TCF4: variants seen among roughly 807,000 people sequenced by gnomAD.
TCF4 encodes the protein transcription factor 4.
TCF4 carries 3 observed loss-of-function variants against 82.1 expected under a neutral mutation model. The ratio of observed to expected loss-of-function variants is 0.04; its 90% CI spans 0.02 to 0.09. The LOEUF is 0.09. TCF4 is among the 10% of genes least tolerant of loss of function. TCF4 has a pLI of 1.00. For synonymous variants in TCF4, 276 were observed against 309.6 expected (o/e 0.89, Z 1.14); for missense variants, 518 against 852.7 (o/e 0.61, Z 4.89).
intron 5 of TCF4, among the ~76,000 whole-genome samples, chr18:55,458,063 A>T (rs2095800855): frequency 6.6e-6 from 1 of 152,044 alleles, no homozygotes; most frequent in Non-Finnish European, 1.5e-5. Flanking sequence ...AGTTCACCAA[A>T]AAAAGGAAAA....
intron 3 of TCF4, among the ~76,000 whole-genome samples, chr18:55,507,446 A>C (rs2096775421): frequency 6.6e-6 from 1 of 152,080 alleles, no homozygotes; most frequent in Non-Finnish European, 1.5e-5. Context: ...TCAAATGGCG[A>C]GCAATTTAGA....
chr18:55,618,085 G>C (rs992017580), intron 2 of TCF4, among the ~76,000 whole-genome samples: 1 of 152,066 alleles, frequency 6.6e-6, no homozygotes, highest in Non-Finnish European at 1.5e-5. Flanking sequence ...CTATGGGCTT[G>C]TCATATGTGG....
At chr18:55,433,400 C>G (rs2095254634) in intron 5 of TCF4, among the ~76,000 whole-genome samples, 1 of 152,206 alleles carries the variant, frequency 6.6e-6, no homozygotes, top group Non-Finnish European at 1.5e-5. Context: ...AGGATAATAT[C>G]AATAAACATG....
intron 3 of TCF4, among the ~76,000 whole-genome samples, chr18:55,471,737 G>T: frequency 6.7e-6 from 1 of 148,872 alleles, no homozygotes; most frequent in Non-Finnish European, 1.5e-5. Flanking sequence ...CTGCACTCCA[G>T]CCTCGGTGAC....
intron 3 of TCF4, among the ~76,000 whole-genome samples, chr18:55,578,652 A>AT (rs1470652621): frequency 1.3e-5 from 2 of 152,052 alleles, no homozygotes; most frequent in Non-Finnish European, 2.9e-5. Flanking sequence ...ATAAACTAAC[A>AT]TTTTTAGAGG....
chr18:55,515,671 C>T (rs765944953), intron 3 of TCF4, among the ~76,000 whole-genome samples: 2 of 152,072 alleles, frequency 1.3e-5, no homozygotes, highest in African/African-American at 2.4e-5. Flanking sequence ...CTACTGATGA[C>T]GTTTTGAGGT....
intron 3 of TCF4, among the ~76,000 whole-genome samples, chr18:55,491,358 C>G (rs1603581418): frequency 6.6e-6 from 1 of 152,144 alleles, no homozygotes; most frequent in African/African-American, 2.4e-5. Context: ...GATACACACA[C>G]AGCAATCCGC....
chr18:55,399,044 A>G (rs1041212992), intron 6 of TCF4, among the ~76,000 whole-genome samples: 4 of 152,162 alleles, frequency 2.6e-5, no homozygotes, highest in African/African-American at 9.7e-5. Flanking sequence ...GCAAGGCCTA[A>G]TTGGCCTCAA....
chr18:55,351,184 T>C, intron 6 of TCF4, 181 bp from the exon 7 acceptor site: 1 of 691,012 alleles, frequency 1.4e-6, no homozygotes, highest in East Asian at 2.9e-5. Context: ...ACAAAGTTTG[T>C]GAATTTTTAA....
chr18:55,267,746 C>T (rs1343815532), intron 11 of TCF4: 2 of 152,060 alleles, frequency 1.3e-5, no homozygotes, highest in African/African-American at 4.8e-5. Context: ...TGGATTTTGA[C>T]AAGTGCATCC....
At position 55,487,253 on chromosome 18, in the gene TCF4, G is replaced by A. The variant is rs139595796; in HGVS notation, c.146-23116C>T. Reference sequence around the variant, plus strand: ...CTTTCCCACACAACAAATGCATGAAGAATGAATAAATAAATGCATAATGCC... The same window carrying A: ...CTTTCCCACACAACAAATGCATGAAAAATGAATAAATAAATGCATAATGCC... On this transcript the variant is annotated intron_variant, in intron 3 of 19. Coordinates refer to ENST00000354452, the MANE Select transcript of TCF4 (RefSeq NM_001083962.2). Among the ~76,000 whole-genome samples the A allele has an allele frequency of 6.7e-4, 102 of 152,222 alleles. No homozygotes were observed. In the East Asian group the frequency reaches 0.014, roughly 21 times the overall value.
intron 2 of TCF4, among the ~76,000 whole-genome samples, chr18:55,614,616 T>A (rs2097710121): frequency 6.6e-6 from 1 of 152,134 alleles, no homozygotes; most frequent in Non-Finnish European, 1.5e-5. Flanking sequence ...TTCTTAAAAT[T>A]TTTTTTGAGT....
At chr18:55,553,659 T>C (rs1377334225) in intron 3 of TCF4, among the ~76,000 whole-genome samples, 1 of 152,190 alleles carries the variant, frequency 6.6e-6, no homozygotes, top group Non-Finnish European at 1.5e-5. Context: ...ACACAGCAGA[T>C]CAGTAAATAT....
rs2066747425 is a variant in TCF4 at position 55,297,168 on chromosome 18, T to C, written c.550-17512A>G. On this transcript the variant is annotated intron_variant, in intron 8 of 19. Transcript: ENST00000354452. ...TGAGGTTTTTTTTTTTTTTTTTTTT[T>C]TTATCCCTTAGGATCAGGAAGCCAT... 1.4e-5 allele frequency among the ~76,000 whole-genome samples: 2 copies of C among 141,592 alleles called. 1 individual carries two copies. Among genetic ancestry groups the C allele is most frequent in the Admixed American group, 1.4e-4 (2 of 14,156 alleles). 92.9% of individuals were successfully genotyped at this position (141,592 alleles called of 152,430 possible). A position where few individuals can be genotyped will look rare whatever the true frequency, so the allele number is the denominator to read the frequency against.
chr18:55,534,078 A>T lies in TCF4; in HGVS notation c.145+51202T>A, dbSNP rs140693708. 1.3e-3 allele frequency among the ~76,000 whole-genome samples: 196 copies of T among 152,352 alleles called. 2 individuals are homozygous for T. Among genetic ancestry groups the T allele is most frequent in the African/African-American group, 4.5e-3 (187 of 41,584 alleles). Reference sequence around the variant, plus strand: ...GAAATGTATTTTATGTTTCATATGCAGCTTCATGTATACCTTACACACATG... The same window carrying T: ...GAAATGTATTTTATGTTTCATATGCTGCTTCATGTATACCTTACACACATG... On this transcript the variant is annotated intron_variant, in intron 3 of 19. Coordinates refer to ENST00000354452, the MANE Select transcript of TCF4 (RefSeq NM_001083962.2).
intron 5 of TCF4, among the ~76,000 whole-genome samples, chr18:55,412,279 T>C (rs1330212037): frequency 6.6e-6 from 1 of 151,922 alleles, no homozygotes; most frequent in Non-Finnish European, 1.5e-5. Flanking sequence ...TTACATTTCA[T>C]GGGTTAGAGA....
At position 55,586,156 on chromosome 18, in the gene TCF4, C is replaced by CAGG. The variant is rs1383496244; in HGVS notation, c.73-805_73-804insCCT. The CAGG allele has an allele frequency of 1.4e-3, 111 of 80,860 alleles. No individual in the cohort carries two copies. The South Asian group carries it at 0.015, about 11-fold the overall frequency. The allele number at this position is 80,860 out of a possible 1,614,324, so 5.0% of individuals were successfully genotyped here. A position where few individuals can be genotyped will look rare whatever the true frequency, so the allele number is the denominator to read the frequency against. ...GGAGAAGGAGGAGGAGGAGGAGGAG[C>CAGG]AGCAGCAGCAGCAGCAGCAGCAGCA... On this transcript the variant is annotated intron_variant, in intron 2 of 19. Coordinates refer to ENST00000354452, the MANE Select transcript of TCF4 (RefSeq NM_001083962.2).
intron 6 of TCF4, among the ~76,000 whole-genome samples, chr18:55,369,355 T>C (rs2088227301): frequency 6.6e-6 from 1 of 152,212 alleles, no homozygotes; most frequent in African/African-American, 2.4e-5. Flanking sequence ...TAAACTGCCA[T>C]AGAGACACAC....
intron 3 of TCF4, among the ~76,000 whole-genome samples, chr18:55,542,199 G>C (rs1390863445): frequency 3.3e-5 from 5 of 151,930 alleles, no homozygotes; most frequent in Non-Finnish European, 7.4e-5. Flanking sequence ...TGAATATAGT[G>C]GCAAATAAAA....
Sources: allele counts gnomAD v4.1 joint callset (sites outside exome capture counted in the v4.1 genomes callset), GRCh38; gene constraint gnomAD v4.1.1; transcripts MANE v1.5; gene names NCBI Gene and HGNC (gene_info 2026-07-23, HGNC 2026-07-21).